Variants in PCDHGB3 observed in about 807,000 individuals in gnomAD.
The protein encoded by PCDHGB3 is protocadherin gamma subfamily B, 3, also known as protocadherin gamma-B3.
PCDHGB3 carries 40 observed loss-of-function variants against 59.2 expected under a neutral mutation model. The observed-to-expected ratio is 0.68, with a 90% CI of 0.52 to 0.88. The LOEUF (loss-of-function observed/expected upper bound fraction) is 0.88. PCDHGB3 is among the 40% of genes least tolerant of loss of function. The pLI is 0.00. For synonymous variants in PCDHGB3, 581 were observed against 503.6 expected, an observed-to-expected ratio of 1.15 and a Z score of -2.06; for missense variants, 1,309 against 1,187.9, an observed-to-expected ratio of 1.10 and a Z score of -1.50.
At chr5:141,408,578 G>A (rs775312574) in intron 1 of PCDHGB3, 3 of 1,613,928 alleles carry the variant, frequency 1.9e-6, no homozygotes, top group African/African-American at 1.3e-5. Flanking sequence ...GATTGAGGAT[G>A]TTAATGACCA....
chr5:141,405,746 G>A (rs1174743960), intron 1 of PCDHGB3, among the ~76,000 whole-genome samples: 1 of 152,108 alleles, frequency 6.6e-6, no homozygotes, highest in Non-Finnish European at 1.5e-5. Context: ...CCAAAGCACT[G>A]GGATTACAGG....
Position 141,485,046 on chromosome 5 carries a change from G to A in PCDHGB3, c.2416-9761G>A. On this transcript the variant is annotated intron_variant, in intron 1 of 3. Transcript: ENST00000576222. This position sits in a 1 kb window ranked among gnomAD's most constrained non-coding sequence, Gnocchi z 5.7. ...AAAAACGGCGCGTAACCCTTGCGGCGCCGGCCGAACCGCGCCAGAGCTGGC... is the reference window on the plus strand; with the variant it reads ...AAAAACGGCGCGTAACCCTTGCGGCACCGGCCGAACCGCGCCAGAGCTGGC... 2 of 750,304 alleles carry A rather than the reference G, an allele frequency of 2.7e-6. No individual in the cohort carries two copies. The highest frequency in any genetic ancestry group is 4.5e-6 in the Non-Finnish European group (2 of 443,046). The allele number at this position is 750,304 out of a possible 1,614,324, so 46.5% of individuals were successfully genotyped here. A position where few individuals can be genotyped will look rare whatever the true frequency, so the allele number is the denominator to read the frequency against.
intron 1 of PCDHGB3, chr5:141,413,935 A>G: frequency 1.2e-6 from 2 of 1,613,372 alleles, no homozygotes; most frequent in Non-Finnish European, 1.7e-6. Flanking sequence ...ATACCGAGTG[A>G]GTGTTCCTGA....
rs902072815 is a variant in PCDHGB3, at chr5:141,495,024, C to A, written c.2474+159C>A. On this transcript the variant is annotated intron_variant, in intron 2 of 3. Coordinates refer to ENST00000576222, the MANE Select transcript of PCDHGB3 (RefSeq NM_018924.5). ...GGTGTGCGGGGGGCTGGCACACAGACCCCGGAAGGAAGAGGCGACTGCCCT... is the reference window on the plus strand; with the variant it reads ...GGTGTGCGGGGGGCTGGCACACAGAACCCGGAAGGAAGAGGCGACTGCCCT... The A allele has an allele frequency of 1.6e-5, 16 of 973,368 alleles. No homozygotes were observed. In the South Asian group the frequency reaches 5.7e-4, roughly 35 times the overall value. The allele number at this position is 973,368 out of a possible 1,614,324, so 60.3% of individuals were successfully genotyped here. A position where few individuals can be genotyped will look rare whatever the true frequency, so the allele number is the denominator to read the frequency against.
chr5:141,508,867 G>A (rs2099872497), intron 3 of PCDHGB3, among the ~76,000 whole-genome samples: 1 of 152,108 alleles, frequency 6.6e-6, no homozygotes. Flanking sequence ...GGGAAAGGCT[G>A]AAGAGGCTGA....
At position 141,487,939 on chromosome 5, in the gene PCDHGB3, C is replaced by A; in HGVS notation, c.2416-6868C>A. ...AGGCTACAGTGCACAGGGTACAGTG[C>A]ACCAGGCAGTCACTTGGACAAAGGT... On this transcript the variant is annotated intron_variant, in intron 1 of 3. Coordinates refer to ENST00000576222, the MANE Select transcript of PCDHGB3 (RefSeq NM_018924.5). The surrounding 1 kb of genome is among the most constrained non-coding windows in gnomAD (Gnocchi z 5.0). The A allele has an allele frequency of 1.7e-6, 1 of 600,512 alleles. No individual in the cohort carries two copies. Among genetic ancestry groups the A allele is most frequent in the Non-Finnish European group, 2.9e-6 (1 of 343,042 alleles). The allele number at this position is 600,512 out of a possible 1,614,324, so 37.2% of individuals were successfully genotyped here.
At chr5:141,478,299 G>A (rs201916687) in intron 1 of PCDHGB3, 1 of 1,614,056 alleles carries the variant, frequency 6.2e-7, no homozygotes, top group Non-Finnish European at 8.5e-7. Flanking sequence ...GACCTATACC[G>A]AGCCCCGGTG....
Position 141,486,589 on chromosome 5 carries a change from C to T in PCDHGB3, c.2416-8218C>T. On this transcript the variant is annotated intron_variant, in intron 1 of 3. Transcript: ENST00000576222. The surrounding 1 kb of genome is among the most constrained non-coding windows in gnomAD (Gnocchi z 5.0). ...TTCCTGAGAACAATCGCCCAGGGGA[C>T]CTGCTTTGCTCCCTTGCAGCCTCTG... 1 of 1,613,676 alleles carries T rather than the reference C, an allele frequency of 6.2e-7. No individual in the cohort carries two copies. Among genetic ancestry groups the T allele is most frequent in the African/African-American group, 1.3e-5 (1 of 75,064 alleles).
chr5:141,465,546 T>C (rs572856697), intron 1 of PCDHGB3, among the ~76,000 whole-genome samples: 1 of 152,338 alleles, frequency 6.6e-6, no homozygotes, highest in South Asian at 2.1e-4. Context: ...GCATTTTTTC[T>C]GCTGAAGCTT....
In PCDHGB3 at chr5:141,386,511, T is replaced by C. The variant is rs558161782; in HGVS notation, c.2415+13702T>C. Among the ~76,000 whole-genome samples the C allele has an allele frequency of 2.0e-4, 3 of 15,264 alleles. No homozygotes were observed. The East Asian group carries it at 5.2e-3, about 27-fold the overall frequency. 10.0% of individuals were successfully genotyped at this position (15,264 alleles called of 152,430 possible). ...GATAATATAACAAGACTCTGTCTCTTCAAAAAAAGACTCTTTTTAGACTAG... is the reference window on the plus strand; with the variant it reads ...GATAATATAACAAGACTCTGTCTCTCCAAAAAAAGACTCTTTTTAGACTAG... On this transcript the variant is annotated intron_variant, in intron 1 of 3. Coordinates refer to ENST00000576222, the MANE Select transcript of PCDHGB3 (RefSeq NM_018924.5).
At chr5:141,507,171 C>T (rs183042063) in intron 3 of PCDHGB3, 3 of 152,462 alleles carry the variant, frequency 2.0e-5, no homozygotes, top group South Asian at 2.1e-4. Context: ...AGGCTGTCCT[C>T]TTCCTCGAGC....
intron 1 of PCDHGB3, chr5:141,421,009 T>G (rs948913987): frequency 1.9e-6 from 1 of 515,496 alleles, no homozygotes. Context: ...AATCAGGGAA[T>G]GGGAAGCTGC....
At chr5:141,394,434 C>T in intron 1 of PCDHGB3, 1 of 1,614,248 alleles carries the variant, frequency 6.2e-7, no homozygotes, top group South Asian at 1.1e-5. Context: ...CGGGGACCCG[C>T]CCCTCAGCAG....
intron 1 of PCDHGB3, chr5:141,388,789 T>G: frequency 1.9e-6 from 3 of 1,613,948 alleles, no homozygotes; most frequent in Non-Finnish European, 2.5e-6. Flanking sequence ...ATTACTGTTT[T>G]AAATACATTA....
intron 1 of PCDHGB3, chr5:141,408,969 C>T (rs1005367761): frequency 3.7e-6 from 6 of 1,613,594 alleles, no homozygotes; most frequent in Non-Finnish European, 5.1e-6. Context: ...GAAAATCTGC[C>T]CCCTGGGTCC....
In PCDHGB3 at chr5:141,405,177, G is replaced by C. The variant is rs370032217; in HGVS notation, c.2415+32368G>C. On this transcript the variant is annotated intron_variant, in intron 1 of 3. Coordinates refer to ENST00000576222, the MANE Select transcript of PCDHGB3 (RefSeq NM_018924.5). Reference sequence around the variant, plus strand: ...GGTGTGCCCACCTCACACTTTGTGGGTGTAGATGGGGTTCGAGCTTTCCTA... The same window carrying C: ...GGTGTGCCCACCTCACACTTTGTGGCTGTAGATGGGGTTCGAGCTTTCCTA... 1.6e-5 allele frequency: 26 copies of C among 1,614,140 alleles called. No homozygotes were observed. The highest frequency in any genetic ancestry group is 2.0e-5 in the Non-Finnish European group (24 of 1,180,024).
rs1418271960 is a variant in PCDHGB3 at position 141,372,958 on chromosome 5, T to C, written c.2415+149T>C. ...AGTAGGGTGTCTAGGAAATTCTTTG[T>C]AGAATTTCCTGTAGAATATCTGTGT... On this transcript the variant is annotated intron_variant, in intron 1 of 3. Transcript: ENST00000576222. 8.4e-6 allele frequency: 6 copies of C among 710,456 alleles called. No individual in the cohort carries two copies. The Middle Eastern group carries it at 1.1e-3, about 132-fold the overall frequency. The allele number at this position is 710,456 out of a possible 1,614,324, so 44.0% of individuals were successfully genotyped here. A position where few individuals can be genotyped will look rare whatever the true frequency, so the allele number is the denominator to read the frequency against.
chr5:141,418,669 C>G, intron 1 of PCDHGB3: 1 of 1,614,018 alleles, frequency 6.2e-7, no homozygotes, highest in Non-Finnish European at 8.5e-7. Flanking sequence ...CTGACCAGGA[C>G]GAGGGCATCA....
Position 141,485,064 on chromosome 5 carries a change from G to C in PCDHGB3, c.2416-9743G>C, listed in dbSNP as rs1205637757. On this transcript the variant is annotated intron_variant, in intron 1 of 3. Transcript: ENST00000576222. The surrounding 1 kb of genome is among the most constrained non-coding windows in gnomAD (Gnocchi z 5.7). ...TTGCGGCGCCGGCCGAACCGCGCCA[G>C]AGCTGGCGCGGGGAAAGGGAGATAG... The C allele has an allele frequency of 4.9e-5, 43 of 882,320 alleles. No individual in the cohort carries two copies. The highest frequency in any genetic ancestry group is 7.4e-5 in the Non-Finnish European group (41 of 557,230). 54.7% of individuals were successfully genotyped at this position (882,320 alleles called of 1,614,324 possible).
Sources: gnomAD v4.1 joint callset for allele counts (sites outside exome capture counted in the v4.1 genomes callset) on GRCh38, gnomAD v4.1.1 for gene constraint, Gnocchi (gnomAD v3.1) non-coding constraint, MANE v1.5 for transcripts, NCBI Gene and HGNC (gene_info 2026-07-23, HGNC 2026-07-21) for gene names.